MROH6: variants seen among roughly 807,000 people sequenced by gnomAD.
The protein encoded by MROH6 is maestro heat like repeat family member 6, also known as maestro heat-like repeat-containing protein family member 6.
MROH6 carries 62 observed loss-of-function variants against 67.7 expected under a neutral mutation model. The ratio of observed to expected loss-of-function variants is 0.92; its 90% CI spans 0.75 to 1.13. The LOEUF (loss-of-function observed/expected upper bound fraction) is 1.13. Among genes scored for constraint, MROH6 ranks in the 50% most tolerant of loss-of-function variants. The pLI is 0.00. For missense variants in MROH6, 1,175 were observed against 1,029.1 expected, an observed-to-expected ratio of 1.14 and a Z score of -1.94; for synonymous variants, 566 against 470.8, an observed-to-expected ratio of 1.20 and a Z score of -2.62.
rs772566985 is a variant in MROH6 at position 143,569,521 on chromosome 8, T to G, written c.1396A>C (p.Arg466=). ...GGCGCCCGGGGCCGCAGCAGGAGCC[T>G]CCTCAGGGCGCCCAGCGCTGCACCC... ...LVGAALGALR[R]LLLRPRAPVR... is the part of the protein sequence containing the mutation. The change falls in exon 9 of 14, where the codon AGG becomes CGG. Residue 466 remains arginine, a synonymous_variant. Coordinates refer to ENST00000398882, the MANE Select transcript of MROH6 (RefSeq NM_001100878.2). 6.4e-5 allele frequency: 96 copies of G among 1,500,990 alleles called. 1 individual carries two copies. In the South Asian group the frequency reaches 1.2e-3, roughly 18 times the overall value. The allele number at this position is 1,500,990 out of a possible 1,614,324, so 93.0% of individuals were successfully genotyped here. A position where few individuals can be genotyped will look rare whatever the true frequency, so the allele number is the denominator to read the frequency against.
chr8:143,568,185 T>C lies in MROH6; in HGVS notation c.1721A>G (p.His574Arg). The stretch of plus-strand genomic sequence containing the variant: ...GCTCAGGGCCTCGGGGCTGTCATAG[T>C]GGGCCACGGTGACCAACTCCTCCAG... ...GLLEELVTVA[H>R]YDSPEALSHL... Residue 574 changes from histidine to arginine, a missense_variant, in exon 11 of 14, where the codon CAC becomes CGC. Transcript: ENST00000398882. 1.2e-6 allele frequency: 2 copies of C among 1,610,616 alleles called. No homozygotes were observed. The highest frequency in any genetic ancestry group is 2.7e-5 in the African/African-American group (2 of 74,978).
rs760846645 is a variant in MROH6, at chr8:143,568,602, GA to G, written c.1593del (p.Leu532SerfsTer50). On this transcript the variant is annotated frameshift_variant, in exon 10 of 14. Coordinates refer to ENST00000398882, the MANE Select transcript of MROH6 (RefSeq NM_001100878.2). LOFTEE classifies it high-confidence loss of function. ...TGCAGGCGCAGCAGCAGCGGCACGA[GA>G]CTCTGCAGCACCAGCTTCCGCAGGG... The part of the protein sequence containing the change: ...RGPLRKLVLQ[S>X]LVPLLLRLHD... 1.3e-6 allele frequency: 2 copies of G among 1,547,006 alleles called. No homozygotes were observed. The highest frequency in any genetic ancestry group is 1.7e-6 in the Non-Finnish European group (2 of 1,153,316).
intron 10 of MROH6, 45 bp downstream of exon 10, chr8:143,568,505 TGA>T (rs1432490067): frequency 4.1e-6 from 6 of 1,476,594 alleles, no homozygotes; most frequent in Non-Finnish European, 5.4e-6. Context: ...GTGGGAGTGG[TGA>T]GTGTTGGATG....
Position 143,570,233 on chromosome 8 carries a change from CCCT to C in MROH6, c.1043+7_1043+9del, listed in dbSNP as rs755242393. On this transcript the variant is annotated splice_region_variant and intron_variant, in intron 6 of 13. Transcript: ENST00000398882. ...TGTGACACCCTGGGGCCCCTCCTCACCCTCCTCACCTGGCCAGCAGCAGGACGC... is the reference window on the plus strand; with the variant it reads ...TGTGACACCCTGGGGCCCCTCCTCACCCTCACCTGGCCAGCAGCAGGACGC... 2.1e-5 allele frequency: 33 copies of C among 1,571,854 alleles called. No individual in the cohort carries two copies. Among genetic ancestry groups the C allele is most frequent in the Non-Finnish European group, 2.7e-5 (31 of 1,160,676 alleles).
Position 143,572,030 on chromosome 8 carries a change from G to A in MROH6, c.447+3C>T, listed in dbSNP as rs1554657442. 3 of 1,610,458 alleles carry A rather than the reference G, an allele frequency of 1.9e-6. No individual in the cohort carries two copies. The Admixed American group carries it at 5.0e-5, about 27-fold the overall frequency. On this transcript the variant is annotated splice_donor_region_variant and intron_variant, in intron 2 of 13. Coordinates refer to ENST00000398882, the MANE Select transcript of MROH6 (RefSeq NM_001100878.2). ...GTAGGGCATGAAGTGGGTGAAGGCT[G>A]ACCTGGTCCTCCAACCGCTCGCCCC... is the stretch of plus-strand genomic sequence containing the variant.
At position 143,569,559 on chromosome 8, in the gene MROH6, T is replaced by A; in HGVS notation, c.1358A>T (p.Asp453Val). Residue 453 changes from aspartate to valine, a missense_variant, in exon 9 of 14, where the codon GAC (aspartate) becomes GTC (valine). Transcript: ENST00000398882. ...PALLGALGEG[D>V]ARLVGAALGA... is the part of the protein sequence containing the mutation. ...CAGCGCTGCACCCACGAGCCGCGCG[T>A]CGCCTTCGCCCAGTGCGCCCAGGAG... 6.5e-7 allele frequency: 1 copy of A among 1,543,978 alleles called. No individual in the cohort carries two copies. The highest frequency in any genetic ancestry group is 1.4e-5 in the African/African-American group (1 of 73,008).
At position 143,567,434 on chromosome 8, in the gene MROH6, C is replaced by T. The variant is rs774917378; in HGVS notation, c.1965G>A (p.Pro655=). The T allele has an allele frequency of 4.8e-5, 64 of 1,328,278 alleles. No individual in the cohort carries two copies. Among genetic ancestry groups the T allele is most frequent in the Admixed American group, 7.5e-5 (2 of 26,508 alleles). The allele number at this position is 1,328,278 out of a possible 1,614,324, so 82.3% of individuals were successfully genotyped here. The change falls in exon 14 of 14, where the codon CCG becomes CCA. Residue 655 remains proline, a synonymous_variant. Coordinates refer to ENST00000398882, the MANE Select transcript of MROH6 (RefSeq NM_001100878.2). The part of the protein sequence containing the change: ...DLGRLQSDPK[P]AVAAAAHVSA... The stretch of plus-strand genomic sequence containing the variant: ...ACACGTGCGCTGCCGCGGCCACAGC[C>T]GGCTTGGGGTCGCTCTGCAGTCGCC...
chr8:143,570,448 C>A (rs767243192), intron 5 of MROH6, 25 bp downstream of exon 5: 2 of 1,309,672 alleles, frequency 1.5e-6, no homozygotes, highest in Non-Finnish European at 2.1e-6. Context: ...TGGCCCGCCC[C>A]ACGTAACCTG....
chr8:143,568,037 T>C, intron 11 of MROH6, 105 bp downstream of exon 11: 2 of 1,481,152 alleles, frequency 1.4e-6, no homozygotes, highest in Non-Finnish European at 9.1e-7. Flanking sequence ...ACCAGTAGCC[T>C]ATCTGGTTTG....
rs754379794 is a variant in MROH6, at chr8:143,567,722, G to A, written c.1868-46C>T. ...GAGTGCAGGCCCCACAGCCCCCCAG[G>A]GGGAGGCTGGCCCAGCTCCCAAAGC... is the stretch of plus-strand genomic sequence containing the variant. On this transcript the variant is annotated intron_variant, in intron 12 of 13. Transcript: ENST00000398882. 17 of 1,572,316 alleles carry A rather than the reference G, an allele frequency of 1.1e-5. 1 individual carries two copies. In the Admixed American group the frequency reaches 3.1e-4, roughly 29 times the overall value.
In MROH6 at chr8:143,567,416, C is replaced by T. The variant is rs1039501236; in HGVS notation, c.1983G>A (p.Ala661=). 3.2e-5 allele frequency: 42 copies of T among 1,318,102 alleles called. No homozygotes were observed. The highest frequency in any genetic ancestry group is 2.9e-4 in the African/African-American group (19 of 65,270). The allele number at this position is 1,318,102 out of a possible 1,614,324, so 81.7% of individuals were successfully genotyped here. ...TCGCCACCTGCTGAGCGGACACGTG[C>T]GCTGCCGCGGCCACAGCCGGCTTGG... The part of the protein sequence containing the change: ...SDPKPAVAAA[A]HVSAQQVAML... The change falls in exon 14 of 14, where the codon GCG becomes GCA. Residue 661 remains alanine, a synonymous_variant. Coordinates refer to ENST00000398882, the MANE Select transcript of MROH6 (RefSeq NM_001100878.2).
Position 143,571,833 on chromosome 8 carries a change from G to C in MROH6, c.448-12C>G, listed in dbSNP as rs745538750. The C allele has an allele frequency of 1.4e-5, 22 of 1,538,522 alleles. No homozygotes were observed. The highest frequency in any genetic ancestry group is 7.9e-6 in the Non-Finnish European group (9 of 1,141,992). ...ACCAGAGCATGCACCTGGTGGGGAA[G>C]GGGGCAGACTTCAGCAGTCAGGCCT... On this transcript the variant is annotated splice_polypyrimidine_tract_variant and intron_variant, in intron 2 of 13. Coordinates refer to ENST00000398882, the MANE Select transcript of MROH6 (RefSeq NM_001100878.2).
rs752974345 is a variant in MROH6 at position 143,567,661 on chromosome 8, T to G, written c.1883A>C (p.His628Pro). Reference protein sequence around the residue: ...AAVLIGFLVHHASPGCVNQDL... With the variant: ...AAVLIGFLVHPASPGCVNQDL... ...CTGGTTGACACAGCCGGGGCTGGCG[T>G]GGTGGACAAGGAAGCCTGGACCACA... Residue 628 changes from histidine (H) to proline (P), a missense_variant, in exon 13 of 14, where the codon CAC becomes CCC. Transcript: ENST00000398882. The G allele has an allele frequency of 3.0e-5, 47 of 1,577,056 alleles. No individual in the cohort carries two copies. Among genetic ancestry groups the G allele is most frequent in the Non-Finnish European group, 3.8e-5 (44 of 1,162,412 alleles).
chr8:143,571,966 C>G, intron 2 of MROH6, 67 bp downstream of exon 2: 1 of 1,546,832 alleles, frequency 6.5e-7, no homozygotes, highest in South Asian at 1.2e-5. Context: ...GCTCTCCAGG[C>G]CCCTCCCACC....
In MROH6 at chr8:143,567,840, C is replaced by A; in HGVS notation, c.1813G>T (p.Gly605Cys). The A allele has an allele frequency of 6.5e-7, 1 of 1,531,012 alleles. No homozygotes were observed. Among genetic ancestry groups the A allele is most frequent in the Non-Finnish European group, 8.8e-7 (1 of 1,140,522 alleles). 94.8% of individuals were successfully genotyped at this position (1,531,012 alleles called of 1,614,324 possible). A position where few individuals can be genotyped will look rare whatever the true frequency, so the allele number is the denominator to read the frequency against. The stretch of plus-strand genomic sequence containing the variant: ...GGGTCCTGTGGACTCCGCAGGTAGC[C>A]CTGGGTCTGGCTCAGGAAGTTGGGC... ...HVPNFLSQTQ[G>C]YLRSPQDPLR... The change falls in exon 12 of 14, where the codon GGC becomes TGC. Residue 605 changes from glycine (G) to cysteine (C), a missense_variant. Coordinates refer to ENST00000398882, the MANE Select transcript of MROH6 (RefSeq NM_001100878.2).
In MROH6 at chr8:143,567,600, T is replaced by C; in HGVS notation, c.1933+11A>G. 6.4e-7 allele frequency: 1 copy of C among 1,554,570 alleles called. No homozygotes were observed. Among genetic ancestry groups the C allele is most frequent in the Non-Finnish European group, 8.7e-7 (1 of 1,149,638 alleles). ...TCCAGGACACCATCCCCTGGCAAGG[T>C]GGGGCCTCACCCTGGAACAGGGAGT... On this transcript the variant is annotated intron_variant, in intron 13 of 13. Coordinates refer to ENST00000398882, the MANE Select transcript of MROH6 (RefSeq NM_001100878.2).
intron 10 of MROH6, 61 bp downstream of exon 10, chr8:143,568,491 C>A: frequency 6.8e-7 from 1 of 1,463,592 alleles, no homozygotes; most frequent in Non-Finnish European, 9.0e-7. Flanking sequence ...GGAGGGGAGG[C>A]ACGGTGGGAG....
chr8:143,566,882 A>C lies in MROH6; in HGVS notation c.*357T>G. On this transcript the variant is annotated 3_prime_UTR_variant, in exon 14 of 14. Transcript: ENST00000398882. ...ACAGGCCACAGCGTCCTGTCCAGGCATGAGGTGGAGACCCAGGAGGGCAGG... is the reference window on the plus strand; with the variant it reads ...ACAGGCCACAGCGTCCTGTCCAGGCCTGAGGTGGAGACCCAGGAGGGCAGG... The C allele has an allele frequency of 5.3e-6, 1 of 187,440 alleles. No homozygotes were observed. The highest frequency in any genetic ancestry group is 1.1e-5 in the Non-Finnish European group (1 of 90,806). 11.6% of individuals were successfully genotyped at this position (187,440 alleles called of 1,614,324 possible). A position where few individuals can be genotyped will look rare whatever the true frequency, so the allele number is the denominator to read the frequency against.
chr8:143,571,110 G>A (rs1824010469), intron 3 of MROH6, 116 bp from the exon 4 acceptor site: 4 of 747,118 alleles, frequency 5.4e-6, no homozygotes, highest in Non-Finnish European at 9.0e-6. Flanking sequence ...GGAGGGGCAG[G>A]AAACCCCTCC....
Sources: gnomAD v4.1 joint callset for allele counts on GRCh38, gnomAD v4.1.1 for gene constraint, MANE v1.5 for transcripts, NCBI Gene and HGNC (gene_info 2026-07-23, HGNC 2026-07-21) for gene names.